MOBP: variants seen among roughly 807,000 people sequenced by gnomAD.
MOBP encodes myelin associated oligodendrocyte basic protein, also known as myelin-associated oligodendrocyte basic protein.
MOBP carries 5 observed loss-of-function variants against 15.0 expected under a neutral mutation model. The ratio of observed to expected loss-of-function variants is 0.33; its 90% CI spans 0.17 to 0.70. The LOEUF is 0.70. Among genes scored for constraint, MOBP ranks in the 30% least tolerant of loss-of-function variants. The probability of loss-of-function intolerance (pLI) is 0.67; values close to 1 mark genes in which losing one functional copy is unlikely to be tolerated. For missense variants in MOBP, 188 were observed against 257.8 expected (o/e 0.73, Z 1.85); for synonymous variants, 88 against 99.0 (o/e 0.89, Z 0.66).
chr3:39,484,440 TG>T (rs569765060), intron 2 of MOBP, among the ~76,000 whole-genome samples: 55 of 152,160 alleles, frequency 3.6e-4, no homozygotes, highest in African/African-American at 1.3e-3. Context: ...ATCATCTCTG[TG>T]GCAACGTGGA....
chr3:39,521,448 G>A (rs961247029), intron 3 of MOBP, among the ~76,000 whole-genome samples: 22 of 152,240 alleles, frequency 1.4e-4, no homozygotes, highest in Non-Finnish European at 2.2e-4. Context: ...CTGAGCCCCC[G>A]TTTAAAGTTT....
chr3:39,484,683 C>G (rs1343766216), intron 2 of MOBP, among the ~76,000 whole-genome samples: 1 of 152,178 alleles, frequency 6.6e-6, no homozygotes, highest in Non-Finnish European at 1.5e-5. Context: ...AAAACTACTG[C>G]ACTTCTTGAA....
chr3:39,508,664 C>T (rs1416710397), intron 4 of MOBP, among the ~76,000 whole-genome samples: 2 of 151,846 alleles, frequency 1.3e-5, no homozygotes, highest in Non-Finnish European at 1.5e-5. Context: ...ATTCTCCTGC[C>T]TCAGCCTCCT....
chr3:39,513,096 T>C (rs983225970), intron 4 of MOBP, among the ~76,000 whole-genome samples: 4 of 152,240 alleles, frequency 2.6e-5, no homozygotes, highest in African/African-American at 7.2e-5. Flanking sequence ...TTTGTGTTTT[T>C]CTATGTTTCA....
downstream of MOBP, among the ~76,000 whole-genome samples, chr3:39,516,804 GA>G (rs1274770936): frequency 6.6e-6 from 1 of 152,194 alleles, no homozygotes; most frequent in African/African-American, 2.4e-5. Context: ...GTTGGAGAAA[GA>G]AATGCAGAGT....
intron 2 of MOBP, among the ~76,000 whole-genome samples, chr3:39,494,187 G>A (rs2042840617): frequency 6.6e-6 from 1 of 152,206 alleles, no homozygotes; most frequent in Non-Finnish European, 1.5e-5. Context: ...ATTGTATGAT[G>A]TTGGGGATTT....
chr3:39,518,117 C>T (rs1308115317), downstream of MOBP, among the ~76,000 whole-genome samples: 1 of 152,126 alleles, frequency 6.6e-6, no homozygotes, highest in Non-Finnish European at 1.5e-5. Context: ...TATTGGATTT[C>T]GAAGCATATG....
At chr3:39,505,774 TCGTTTTATAA>T (rs1275982272), downstream of MOBP, among the ~76,000 whole-genome samples, 3 of 152,170 alleles carry the variant, frequency 2.0e-5, no homozygotes, top group African/African-American at 7.2e-5. Context: ...CCTTCAACAC[TCGTTTTATAA>T]ATCCCTGATT....
chr3:39,498,779 A>T (rs2042924108), intron 2 of MOBP, among the ~76,000 whole-genome samples: 1 of 152,140 alleles, frequency 6.6e-6, no homozygotes, highest in African/African-American at 2.4e-5. Flanking sequence ...CCTGCCGGAC[A>T]TGGTCGGGGG....
At chr3:39,508,438 G>A (rs563084915) in intron 4 of MOBP, among the ~76,000 whole-genome samples, 63 of 151,946 alleles carry the variant, frequency 4.1e-4, no homozygotes, top group East Asian at 2.5e-3. Context: ...CCTATCTTCT[G>A]TCCCTAACTT....
intron 4 of MOBP, among the ~76,000 whole-genome samples, chr3:39,509,148 C>T (rs1261728532): frequency 6.6e-6 from 1 of 152,008 alleles, no homozygotes; most frequent in Non-Finnish European, 1.5e-5. Flanking sequence ...GTTTGCTACT[C>T]ACCGGTTGAA....
chr3:39,512,741 C>T (rs1377439863), intron 4 of MOBP, among the ~76,000 whole-genome samples: 1 of 152,130 alleles, frequency 6.6e-6, no homozygotes, highest in Non-Finnish European at 1.5e-5. Flanking sequence ...AAACTAAGAA[C>T]TTTGATGATG....
rs1382248195 is a variant in MOBP at position 39,502,421 on chromosome 3, GGAA to G, written c.207-112_207-110del. On this transcript the variant is annotated intron_variant, in intron 3 of 3. Coordinates refer to ENST00000684792, the MANE Select transcript of MOBP (RefSeq NM_001393704.1). The surrounding 1 kb of genome is among the most constrained non-coding windows in gnomAD (Gnocchi z 6.3). Reference sequence around the variant, plus strand: ...CACCGGAAGGCACTCCAGGGAGACTGGAAGGTGGGTGGGGGAGCAGGGCCTTCC... The same window carrying G: ...CACCGGAAGGCACTCCAGGGAGACTGGGTGGGTGGGGGAGCAGGGCCTTCC... 1 of 1,523,916 alleles carries G rather than the reference GGAA, an allele frequency of 6.6e-7. No individual in the cohort carries two copies. Among genetic ancestry groups the G allele is most frequent in the Non-Finnish European group, 8.8e-7 (1 of 1,140,216 alleles). The allele number at this position is 1,523,916 out of a possible 1,614,324, so 94.4% of individuals were successfully genotyped here. A position where few individuals can be genotyped will look rare whatever the true frequency, so the allele number is the denominator to read the frequency against.
downstream of MOBP, among the ~76,000 whole-genome samples, chr3:39,505,428 C>A (rs2043034930): frequency 6.6e-6 from 1 of 152,230 alleles, no homozygotes; most frequent in Non-Finnish European, 1.5e-5. Flanking sequence ...TCTTTGCTTT[C>A]TGTTCAGGCT....
At chr3:39,492,112 A>G (rs1270581719) in intron 2 of MOBP, among the ~76,000 whole-genome samples, 4 of 152,202 alleles carry the variant, frequency 2.6e-5, no homozygotes, top group Non-Finnish European at 5.9e-5. Flanking sequence ...GGAACCAAAC[A>G]TTTCCTAGAA....
At chr3:39,523,229 C>G (rs2043291879) in intron 3 of MOBP, among the ~76,000 whole-genome samples, 1 of 152,192 alleles carries the variant, frequency 6.6e-6, no homozygotes, top group Non-Finnish European at 1.5e-5. Flanking sequence ...CTGCCCTGAG[C>G]AATATTTCTA....
At chr3:39,475,212 T>C (rs1324508762) in intron 1 of MOBP, among the ~76,000 whole-genome samples, 1 of 152,184 alleles carries the variant, frequency 6.6e-6, no homozygotes, top group Non-Finnish European at 1.5e-5. Context: ...GTTGAAGTTA[T>C]ATATTATTGA....
At chr3:39,503,231 G>GTA (rs146679315), downstream of MOBP, among the ~76,000 whole-genome samples, 888 of 150,290 alleles carry the variant, frequency 5.9e-3, 6 homozygotes, top group African/African-American at 0.021. Context: ...ATCAATATCC[G>GTA]TATAAGTAAA....
At chr3:39,525,042 A>G (rs2043308041), downstream of MOBP, 1 of 152,206 alleles carries the variant, frequency 6.6e-6, no homozygotes, top group African/African-American at 2.4e-5. Context: ...AAGGTCTCAC[A>G]CTTTTCTTAT....
Sources: gnomAD v4.1 joint callset for allele counts (sites outside exome capture counted in the v4.1 genomes callset) on GRCh38, gnomAD v4.1.1 for gene constraint, Gnocchi (gnomAD v3.1) non-coding constraint, MANE v1.5 for transcripts, NCBI Gene and HGNC (gene_info 2026-07-23, HGNC 2026-07-21) for gene names.